The following NPLOC4 variants were observed in gnomAD, a reference collection of about 807,000 sequenced individuals.
NPLOC4 encodes nuclear protein localization protein 4 homolog.
A neutral mutation model predicts 80.6 loss-of-function variants in NPLOC4; 18 were observed. That is an observed-to-expected ratio of 0.22 (90% CI 0.15 to 0.33). NPLOC4 has a LOEUF of 0.33. NPLOC4 is among the 10% of genes least tolerant of loss of function. The pLI is 1.00. For missense variants in NPLOC4, 540 were observed against 786.1 expected, an observed-to-expected ratio of 0.69 and a Z score of 3.74; for synonymous variants, 313 against 301.5, an observed-to-expected ratio of 1.04 and a Z score of -0.39.
Position 81,610,356 on chromosome 17 carries a change from C to T in NPLOC4, c.387-98G>A, listed in dbSNP as rs1331284006. ...CACGTCCTACTTTAACAGAGTGTTT[C>T]CCTGCCCACGTGGAGTTATATTCCA... On this transcript the variant is annotated intron_variant, in intron 4 of 16. Coordinates refer to ENST00000331134, the MANE Select transcript of NPLOC4 (RefSeq NM_017921.4). 5 of 1,045,498 alleles carry T rather than the reference C, an allele frequency of 4.8e-6. No individual in the cohort carries two copies. In the African/African-American group the frequency reaches 7.9e-5, roughly 17 times the overall value. The allele number at this position is 1,045,498 out of a possible 1,614,324, so 64.8% of individuals were successfully genotyped here.
rs904872669 is a variant in NPLOC4 at position 81,596,333 on chromosome 17, A to G, written c.994-91T>C. ...TTTAAAAAATAAGAACTAAGCCAGG[A>G]GCAGTGACTCACACCTCTAATTCCA... On this transcript the variant is annotated intron_variant, in intron 10 of 16. Coordinates refer to ENST00000331134, the MANE Select transcript of NPLOC4 (RefSeq NM_017921.4). The G allele has an allele frequency of 4.2e-6, 6 of 1,425,502 alleles. No individual in the cohort carries two copies. The African/African-American group carries it at 8.5e-5, about 20-fold the overall frequency. The allele number at this position is 1,425,502 out of a possible 1,614,324, so 88.3% of individuals were successfully genotyped here. A position where few individuals can be genotyped will look rare whatever the true frequency, so the allele number is the denominator to read the frequency against.
rs1183130652 is a variant in NPLOC4 at position 81,577,758 on chromosome 17, C to T, written c.1282-5670G>A. ...TCTGGCACCAGTGCCAACCCTGCTC[C>T]CCAAAACCAGGAACCTGGCTTGAGC... is the stretch of plus-strand genomic sequence containing the variant. On this transcript the variant is annotated intron_variant, in intron 12 of 16. Coordinates refer to ENST00000331134, the MANE Select transcript of NPLOC4 (RefSeq NM_017921.4). The surrounding 1 kb of genome is among the most constrained non-coding windows in gnomAD (Gnocchi z 4.3). Among the ~76,000 whole-genome samples, 2 of 152,220 alleles carry T rather than the reference C, an allele frequency of 1.3e-5. No homozygotes were observed. The highest frequency in any genetic ancestry group is 2.9e-5 in the Non-Finnish European group (2 of 68,042).
At chr17:81,621,647 T>C (rs1011880991) in intron 3 of NPLOC4, among the ~76,000 whole-genome samples, 1 of 152,218 alleles carries the variant, frequency 6.6e-6, no homozygotes, top group African/African-American at 2.4e-5. Context: ...CCTTGTAACA[T>C]GAAAACTGGC....
intron 12 of NPLOC4, among the ~76,000 whole-genome samples, chr17:81,574,902 A>C (rs1291197699): frequency 3.4e-5 from 5 of 146,284 alleles, no homozygotes; most frequent in East Asian, 3.9e-4. Flanking sequence ...CACACACACA[A>C]ACACAAAAGC....
At chr17:81,579,999 C>T (rs2034397177) in intron 12 of NPLOC4, among the ~76,000 whole-genome samples, 1 of 152,098 alleles carries the variant, frequency 6.6e-6, no homozygotes, top group South Asian at 2.1e-4. Context: ...GAAGGCAAAG[C>T]CTCCTCTCCT....
At chr17:81,590,126 C>T (rs1374345657) in intron 11 of NPLOC4, among the ~76,000 whole-genome samples, 3 of 152,214 alleles carry the variant, frequency 2.0e-5, no homozygotes, top group African/African-American at 7.2e-5. Flanking sequence ...GAAACCTACA[C>T]GGCCGCCACA....
Position 81,577,678 on chromosome 17 carries a change from C to T in NPLOC4, c.1282-5590G>A, listed in dbSNP as rs977714897. 2.0e-5 allele frequency among the ~76,000 whole-genome samples: 3 copies of T among 152,318 alleles called. No homozygotes were observed. Among genetic ancestry groups the T allele is most frequent in the Non-Finnish European group, 4.4e-5 (3 of 68,024 alleles). On this transcript the variant is annotated intron_variant, in intron 12 of 16. Transcript: ENST00000331134. The surrounding 1 kb of genome is among the most constrained non-coding windows in gnomAD (Gnocchi z 4.3). Reference sequence around the variant, plus strand: ...CCGTCTGTCCTGCTCCATCTTCAAACTCTGCGTGCTGGCACCTGGACTCAC... The same window carrying T: ...CCGTCTGTCCTGCTCCATCTTCAAATTCTGCGTGCTGGCACCTGGACTCAC...
At chr17:81,636,843 C>G (rs1323315149) in intron 1 of NPLOC4, 73 bp downstream of exon 1, 1 of 1,320,698 alleles carries the variant, frequency 7.6e-7, no homozygotes, top group East Asian at 3.1e-5. Context: ...GGCCCGCCTC[C>G]CCCACAGGCC....
At chr17:81,607,275 G>A (rs1304826069) in intron 6 of NPLOC4, among the ~76,000 whole-genome samples, 1 of 151,756 alleles carries the variant, frequency 6.6e-6, no homozygotes, top group Non-Finnish European at 1.5e-5. Context: ...TATAATTAAG[G>A]CATCTTTACT....
chr17:81,598,457 G>C (rs566038278), intron 9 of NPLOC4, among the ~76,000 whole-genome samples: 3 of 152,214 alleles, frequency 2.0e-5, no homozygotes, highest in African/African-American at 7.2e-5. Flanking sequence ...ACATTTCAGA[G>C]AGTAGGTCTT....
chr17:81,606,863 C>A, intron 6 of NPLOC4, 49 bp from the exon 7 acceptor site: 1 of 1,569,314 alleles, frequency 6.4e-7, no homozygotes. Context: ...AAAAGTTGAG[C>A]AAGAGGCTGG....
At chr17:81,618,075 C>G (rs1313856430) in intron 3 of NPLOC4, among the ~76,000 whole-genome samples, 1 of 152,044 alleles carries the variant, frequency 6.6e-6, no homozygotes, top group African/African-American at 2.4e-5. Context: ...TGCCCGGCCG[C>G]CACCCCGTCT....
chr17:81,631,421 C>CATATATATATATGTATATATATAT (rs2035922484), intron 1 of NPLOC4, among the ~76,000 whole-genome samples: 1 of 49,474 alleles, frequency 2.0e-5, no homozygotes, highest in Non-Finnish European at 3.3e-5. Context: ...TTAAAGTGTA[C>CATATATATATATGTATATATATAT]ATATATATAT....
At chr17:81,616,041 G>A (rs943825542) in intron 3 of NPLOC4, among the ~76,000 whole-genome samples, 1 of 152,124 alleles carries the variant, frequency 6.6e-6, no homozygotes, top group African/African-American at 2.4e-5. Flanking sequence ...AATCTGGGCC[G>A]GGCGTGGTGG....
chr17:81,604,734 A>G lies in NPLOC4; in HGVS notation c.655-7T>C. ...TGTCCACATGCCTGTACTTCTGTAG[A>G]GTTAACAAGAGTGGGCTGATGAAAA... On this transcript the variant is annotated splice_polypyrimidine_tract_variant and splice_region_variant and intron_variant, in intron 7 of 16. Transcript: ENST00000331134. 6.2e-7 allele frequency: 1 copy of G among 1,606,936 alleles called. No homozygotes were observed. The highest frequency in any genetic ancestry group is 8.5e-7 in the Non-Finnish European group (1 of 1,176,508).
At chr17:81,590,767 T>C (rs568882541) in intron 11 of NPLOC4, among the ~76,000 whole-genome samples, 4 of 152,264 alleles carry the variant, frequency 2.6e-5, no homozygotes, top group Admixed American at 1.3e-4. Flanking sequence ...CTGTCAAACA[T>C]GCATCAGAAA....
intron 16 of NPLOC4, 54 bp downstream of exon 16, chr17:81,565,451 G>T: frequency 7.1e-7 from 1 of 1,412,458 alleles, no homozygotes; most frequent in Non-Finnish European, 9.7e-7. Flanking sequence ...TGCAGAGTGG[G>T]CTGCTCTCCG....
At chr17:81,604,526 A>C in intron 8 of NPLOC4, 22 bp downstream of exon 8, 1 of 1,605,298 alleles carries the variant, frequency 6.2e-7, no homozygotes, top group Non-Finnish European at 8.5e-7. Context: ...AAACTCAGGA[A>C]CTTGAATCCC....
intron 2 of NPLOC4, among the ~76,000 whole-genome samples, chr17:81,623,833 C>T (rs538741021): frequency 6.6e-6 from 1 of 152,184 alleles, no homozygotes; most frequent in South Asian, 2.1e-4. Context: ...AATTCTGAAA[C>T]CTAACACAGA....
Sources: allele counts gnomAD v4.1 joint callset (sites outside exome capture counted in the v4.1 genomes callset), GRCh38; gene constraint gnomAD v4.1.1; non-coding constraint Gnocchi (gnomAD v3.1); transcripts MANE v1.5; gene names NCBI Gene and HGNC (gene_info 2026-07-23, HGNC 2026-07-21).